The following AGBL4 variants were observed in gnomAD, a reference collection of about 807,000 sequenced individuals.
The protein encoded by AGBL4 is cytosolic carboxypeptidase 6.
A neutral mutation model predicts 66.4 loss-of-function variants in AGBL4; 58 were observed. The ratio of observed to expected loss-of-function variants is 0.87; its 90% CI spans 0.71 to 1.09. AGBL4 has a LOEUF of 1.09. Ranked by LOEUF, AGBL4 falls within the 50% of genes least tolerant of loss-of-function variation. AGBL4 has a pLI of 0.00. For missense variants in AGBL4, 579 were observed against 631.0 expected, an observed-to-expected ratio of 0.92 and a Z score of 0.88; for synonymous variants, 234 against 222.9, an observed-to-expected ratio of 1.05 and a Z score of -0.44.
intron 3 of AGBL4, among the ~76,000 whole-genome samples, chr1:49,298,065 A>G (rs527769877): frequency 6.6e-6 from 1 of 152,296 alleles, no homozygotes; most frequent in South Asian, 2.1e-4. Flanking sequence ...CTCTCCAAGC[A>G]GTAACACACA....
At chr1:49,158,947 C>T (rs535954000) in intron 4 of AGBL4, among the ~76,000 whole-genome samples, 2 of 143,078 alleles carry the variant, frequency 1.4e-5, no homozygotes, top group African/African-American at 2.6e-5. Context: ...TATTTTGAGC[C>T]TATGTATGTC....
At chr1:48,878,585 C>A (rs761763509) in intron 5 of AGBL4, among the ~76,000 whole-genome samples, 9 of 152,112 alleles carry the variant, frequency 5.9e-5, no homozygotes, top group Admixed American at 2.6e-4. Flanking sequence ...CCTTGTATTA[C>A]CCTTGGCCAC....
At chr1:49,883,774 T>C (rs1487455357) in intron 1 of AGBL4, among the ~76,000 whole-genome samples, 2 of 151,834 alleles carry the variant, frequency 1.3e-5, no homozygotes, top group Non-Finnish European at 2.9e-5. Context: ...TATAATGAGA[T>C]GAAGTAGTCA....
intron 4 of AGBL4, among the ~76,000 whole-genome samples, chr1:49,138,536 A>G (rs1646057778): frequency 6.6e-6 from 1 of 152,104 alleles, no homozygotes; most frequent in South Asian, 2.1e-4. Context: ...TCTCCATCAC[A>G]TCACTGAAAT....
chr1:49,738,976 A>G lies in AGBL4; in HGVS notation c.158-41539T>C, dbSNP rs572832963. Among the ~76,000 whole-genome samples, 4 of 152,350 alleles carry G rather than the reference A, an allele frequency of 2.6e-5. No individual in the cohort carries two copies. The East Asian group carries it at 7.7e-4, about 29-fold the overall frequency. ...GGGAAAAAACAGAGCAGAAAAACTA[A>G]AAAGTCTGAAAATCAGAGCGCCTCT... On this transcript the variant is annotated intron_variant, in intron 2 of 13. Coordinates refer to ENST00000371839, the MANE Select transcript of AGBL4 (RefSeq NM_032785.4).
At chr1:49,785,323 T>C (rs1317260887) in intron 2 of AGBL4, among the ~76,000 whole-genome samples, 1 of 152,074 alleles carries the variant, frequency 6.6e-6, no homozygotes, top group Non-Finnish European at 1.5e-5. Flanking sequence ...GAATGTATGT[T>C]AAAATGTTCT....
chr1:49,187,026 C>T (rs1167211407), intron 4 of AGBL4, among the ~76,000 whole-genome samples: 1 of 152,166 alleles, frequency 6.6e-6, no homozygotes, highest in Non-Finnish European at 1.5e-5. Context: ...TGGCATAGAT[C>T]CATGAAGAGG....
At chr1:49,862,403 C>A (rs1646596603) in intron 1 of AGBL4, among the ~76,000 whole-genome samples, 1 of 148,592 alleles carries the variant, frequency 6.7e-6, no homozygotes. Flanking sequence ...AAAATAGCCT[C>A]AAAATAGCAA....
rs534645606 is a variant in AGBL4, at chr1:49,509,328, A to G, written c.282+187985T>C. On this transcript the variant is annotated intron_variant, in intron 3 of 13. Coordinates refer to ENST00000371839, the MANE Select transcript of AGBL4 (RefSeq NM_032785.4). ...TTTTTAAGTAATATTGAGTGTCTCC[A>G]TATGTCAGGGCCTGTATTGAGTATT... is the stretch of plus-strand genomic sequence containing the variant. Among the ~76,000 whole-genome samples, 45 of 152,062 alleles carry G rather than the reference A, an allele frequency of 3.0e-4. 3 individuals carry two copies. The South Asian group carries it at 8.7e-3, about 29-fold the overall frequency.
intron 1 of AGBL4, among the ~76,000 whole-genome samples, chr1:49,870,023 C>A (rs1646799905): frequency 6.6e-6 from 1 of 152,070 alleles, no homozygotes; most frequent in African/African-American, 2.4e-5. Flanking sequence ...CCCAAACATT[C>A]CGATTTGATC....
Position 48,817,998 on chromosome 1 carries a change from G to A in AGBL4, c.634+49193C>T. On this transcript the variant is annotated intron_variant, in intron 6 of 13. Transcript: ENST00000371839. ...TCAGTGACTTCTTAAGCACCTGAGA[G>A]TCTGCAGTCTTACCGGAAACATTCC... 4.2e-6 allele frequency: 3 copies of A among 710,270 alleles called. No homozygotes were observed. The South Asian group carries it at 4.5e-5, about 11-fold the overall frequency. The allele number at this position is 710,270 out of a possible 1,614,324, so 44.0% of individuals were successfully genotyped here. A position where few individuals can be genotyped will look rare whatever the true frequency, so the allele number is the denominator to read the frequency against.
chr1:49,935,590 T>C (rs1406762518), intron 1 of AGBL4, among the ~76,000 whole-genome samples: 2 of 152,056 alleles, frequency 1.3e-5, no homozygotes, highest in Non-Finnish European at 2.9e-5. Flanking sequence ...ACCCCCCCAG[T>C]AGGGGCAGAC....
chr1:48,728,482 CTTTT>C (rs11441549), intron 6 of AGBL4, among the ~76,000 whole-genome samples: 1 of 137,126 alleles, frequency 7.3e-6, no homozygotes, highest in Admixed American at 7.1e-5. Context: ...TTCTGACTTG[CTTTT>C]TTTTTTTTTT....
chr1:49,175,213 C>T (rs1646809679), intron 4 of AGBL4: 1 of 151,790 alleles, frequency 6.6e-6, no homozygotes, highest in East Asian at 1.9e-4. Context: ...AAAAATAAAT[C>T]ATGAACTGTA....
chr1:49,480,994 A>G (rs1265767639), intron 3 of AGBL4, among the ~76,000 whole-genome samples: 1 of 151,932 alleles, frequency 6.6e-6, no homozygotes, highest in Non-Finnish European at 1.5e-5. Flanking sequence ...CCATTGGTCT[A>G]TGTGTGTGTT....
intron 4 of AGBL4, among the ~76,000 whole-genome samples, chr1:49,151,473 A>G (rs1483556416): frequency 6.6e-6 from 1 of 151,410 alleles, no homozygotes; most frequent in Non-Finnish European, 1.5e-5. Context: ...CTCAAACCTT[A>G]TTATGATGTT....
intron 6 of AGBL4, chr1:48,817,855 G>A (rs1469610531): frequency 5.0e-6 from 3 of 600,202 alleles, no homozygotes; most frequent in Non-Finnish European, 8.9e-6. Context: ...CCCCTTCCCA[G>A]TGTGTGTTTT....
chr1:48,720,228 G>A (rs531271549), intron 6 of AGBL4, among the ~76,000 whole-genome samples: 5 of 152,260 alleles, frequency 3.3e-5, no homozygotes, highest in African/African-American at 1.2e-4. Context: ...CACAATGATG[G>A]GACAGCTTGA....
intron 3 of AGBL4, among the ~76,000 whole-genome samples, chr1:49,696,380 A>T (rs1646984794): frequency 6.6e-6 from 1 of 152,190 alleles, no homozygotes. Context: ...AAAAAAATGT[A>T]GCTGAAGAAA....
Sources: gnomAD v4.1 joint callset for allele counts (sites outside exome capture counted in the v4.1 genomes callset) on GRCh38, gnomAD v4.1.1 for gene constraint, MANE v1.5 for transcripts, NCBI Gene and HGNC (gene_info 2026-07-23, HGNC 2026-07-21) for gene names.